DPY30: variants seen among roughly 807,000 people sequenced by gnomAD.
DPY30 encodes dpy-30 histone methyltransferase complex regulatory subunit.
DPY30 carries 6 observed loss-of-function variants against 16.2 expected under a neutral mutation model. The ratio of observed to expected loss-of-function variants is 0.37; its 90% CI spans 0.20 to 0.73. The LOEUF is 0.73. Among genes scored for constraint, DPY30 ranks in the 30% least tolerant of loss-of-function variants. The pLI is 0.51. For missense variants in DPY30, 73 were observed against 113.1 expected (o/e 0.65, Z 1.61); for synonymous variants, 39 against 38.8 (o/e 1.00, Z -0.02).
In DPY30 at chr2:32,023,933, C is replaced by A; in HGVS notation, c.*251G>T. ...TGTTTTGACAGTTTATTTTGAAGGTCATTTTAAAAACAAAGTTAAAGACAA... is the reference window on the plus strand; with the variant it reads ...TGTTTTGACAGTTTATTTTGAAGGTAATTTTAAAAACAAAGTTAAAGACAA... On this transcript the variant is annotated 3_prime_UTR_variant, in exon 5 of 5. Coordinates refer to ENST00000342166, the MANE Select transcript of DPY30 (RefSeq NM_001321209.2). 7.3e-7 allele frequency: 1 copy of A among 1,371,264 alleles called. No homozygotes were observed. The highest frequency in any genetic ancestry group is 1.5e-5 in the South Asian group (1 of 67,330). The allele number at this position is 1,371,264 out of a possible 1,614,324, so 84.9% of individuals were successfully genotyped here.
At chr2:32,029,087 C>T (rs1675438882) in intron 4 of DPY30, among the ~76,000 whole-genome samples, 1 of 152,082 alleles carries the variant, frequency 6.6e-6, no homozygotes, top group Non-Finnish European at 1.5e-5. Context: ...GCCTGGCCAA[C>T]ATGGTGAAAA....
chr2:32,029,519 T>C (rs1675454671), intron 4 of DPY30, 75 bp downstream of exon 4: 3 of 1,561,366 alleles, frequency 1.9e-6, no homozygotes, highest in Admixed American at 3.5e-5. Context: ...TCGCTATACA[T>C]AACTATGATA....
chr2:32,036,611 C>T (rs1675749628), intron 3 of DPY30, among the ~76,000 whole-genome samples: 1 of 148,908 alleles, frequency 6.7e-6, no homozygotes, highest in South Asian at 2.1e-4. Flanking sequence ...GCGGAGCTTG[C>T]AGTGAGCCAA....
At chr2:32,015,951 G>A (rs866505967) in intron 5 of DPY30, among the ~76,000 whole-genome samples, 3 of 151,538 alleles carry the variant, frequency 2.0e-5, no homozygotes, top group African/African-American at 4.8e-5. Context: ...GTGCACTGGC[G>A]CAATCTCGGC....
intron 1 of DPY30, 62 bp from the exon 2 acceptor site, chr2:32,039,554 G>T: frequency 6.4e-7 from 1 of 1,555,972 alleles, no homozygotes; most frequent in South Asian, 1.1e-5. Flanking sequence ...CTCCAGGATG[G>T]AGTGCAGCCC....
intron 4 of DPY30, among the ~76,000 whole-genome samples, chr2:32,028,124 T>C (rs1194947371): frequency 6.6e-6 from 1 of 151,354 alleles, no homozygotes; most frequent in Non-Finnish European, 1.5e-5. Context: ...TTTTTTTTTT[T>C]TTTTGAGGCA....
At chr2:32,037,879 C>A (rs1255859169) in intron 3 of DPY30, among the ~76,000 whole-genome samples, 8 of 151,938 alleles carry the variant, frequency 5.3e-5, no homozygotes, top group African/African-American at 1.9e-4. Context: ...AAAAACAAGA[C>A]ATGTGTGATT....
downstream of DPY30, among the ~76,000 whole-genome samples, chr2:32,019,835 AATAT>A (rs901989516): frequency 0.015 from 1,878 of 122,914 alleles, 23 homozygotes; most frequent in African/African-American, 0.028. Context: ...AAAAAAAAAA[AATAT>A]ATATATATAT....
At chr2:32,037,051 A>C (rs915056424) in intron 3 of DPY30, among the ~76,000 whole-genome samples, 10 of 152,212 alleles carry the variant, frequency 6.6e-5, no homozygotes, top group African/African-American at 2.4e-4. Context: ...GCAAATCTAC[A>C]ACTGGCAAAA....
chr2:32,012,414 T>C (rs909456959), intron 5 of DPY30, among the ~76,000 whole-genome samples: 5 of 146,348 alleles, frequency 3.4e-5, no homozygotes, highest in Admixed American at 1.4e-4. Context: ...ACCTCTCTCT[T>C]TTTTCTTTTT....
intron 4 of DPY30, among the ~76,000 whole-genome samples, chr2:32,028,424 G>A (rs749582212): frequency 2.6e-5 from 4 of 152,114 alleles, no homozygotes; most frequent in Non-Finnish European, 5.9e-5. Flanking sequence ...TTTCTTATTA[G>A]ATTTGCTTAC....
chr2:32,029,191 G>A (rs1675443022), intron 4 of DPY30, among the ~76,000 whole-genome samples: 1 of 152,074 alleles, frequency 6.6e-6, no homozygotes, highest in Admixed American at 6.5e-5. Context: ...AGAATCACTT[G>A]AAACCAGGAG....
At chr2:32,017,615 CAAAAAAAA>C (rs59826181) in intron 5 of DPY30, among the ~76,000 whole-genome samples, 2 of 134,274 alleles carry the variant, frequency 1.5e-5, no homozygotes, top group Non-Finnish European at 3.2e-5. Context: ...AACACCATCT[CAAAAAAAA>C]AAAAAAAGAA....
chr2:32,027,871 G>A (rs1209734379), intron 4 of DPY30, among the ~76,000 whole-genome samples: 1 of 151,794 alleles, frequency 6.6e-6, no homozygotes. Context: ...CTCATGATCT[G>A]CCCGCCTCGG....
At chr2:32,024,337 C>T in intron 4 of DPY30, 81 bp from the exon 5 acceptor site, 1 of 1,036,170 alleles carries the variant, frequency 9.7e-7, no homozygotes, top group Non-Finnish European at 1.4e-6. Context: ...ATAATGAAAA[C>T]TCATCTTTTT....
At chr2:32,029,845 A>T in intron 3 of DPY30, 109 bp from the exon 4 acceptor site, 1 of 1,250,494 alleles carries the variant, frequency 8.0e-7, no homozygotes, top group Non-Finnish European at 1.1e-6. Flanking sequence ...CAAATCAATG[A>T]CTAGAAAGAT....
chr2:32,033,484 C>A (rs1166447371), intron 3 of DPY30, among the ~76,000 whole-genome samples: 2 of 151,944 alleles, frequency 1.3e-5, no homozygotes, highest in African/African-American at 4.8e-5. Flanking sequence ...AACAGCCTGG[C>A]CAACATGGAG....
rs915409896 is a variant in DPY30 at position 32,037,452 on chromosome 2, C to T, written c.84+1827G>A. On this transcript the variant is annotated intron_variant, in intron 3 of 4. Transcript: ENST00000342166. Reference sequence around the variant, plus strand: ...CCCAAGTAGCTGGGGACTGTAGGCACGTACCGTCACACCCAGCTAATTTTT... The same window carrying T: ...CCCAAGTAGCTGGGGACTGTAGGCATGTACCGTCACACCCAGCTAATTTTT... Among the ~76,000 whole-genome samples the T allele has an allele frequency of 5.3e-5, 8 of 151,944 alleles. No homozygotes were observed. In the East Asian group the frequency reaches 5.8e-4, roughly 11 times the overall value.
chr2:32,023,630 T>C (rs1473141218), downstream of DPY30: 2 of 859,920 alleles, frequency 2.3e-6, no homozygotes, highest in Non-Finnish European at 3.4e-6. Context: ...GTATCCCCTT[T>C]GCAATGCTTT....
Sources: gnomAD v4.1 joint callset for allele counts (sites outside exome capture counted in the v4.1 genomes callset) on GRCh38, gnomAD v4.1.1 for gene constraint, MANE v1.5 for transcripts, NCBI Gene and HGNC (gene_info 2026-07-23, HGNC 2026-07-21) for gene names.